Variants in ISYNA1 observed in about 807,000 individuals in gnomAD.
The protein encoded by ISYNA1 is MI-1-P synthase.
ISYNA1 carries 34 observed loss-of-function variants against 50.3 expected under a neutral mutation model. The observed-to-expected ratio is 0.68, with a 90% confidence interval of 0.51 to 0.90. The LOEUF is 0.90. ISYNA1 is among the 40% of genes least tolerant of loss of function. The pLI is 0.00. For missense variants in ISYNA1, 718 were observed against 784.8 expected (o/e 0.91, Z 1.02); for synonymous variants, 396 against 349.9 (o/e 1.13, Z -1.47).
In ISYNA1 at chr19:18,435,126, G is replaced by A. The variant is rs1364709181; in HGVS notation, c.1473-9C>T. 3.1e-6 allele frequency: 5 copies of A among 1,612,994 alleles called. No homozygotes were observed. Among genetic ancestry groups the A allele is most frequent in the Admixed American group, 1.7e-5 (1 of 60,018 alleles). On this transcript the variant is annotated splice_polypyrimidine_tract_variant and intron_variant, in intron 10 of 10. Transcript: ENST00000338128. ...GGAGCCCCACGCAGGCCCTGGAGAG[G>A]TCACACAGCTTAGCAGAGCCAGACA...
intron 9 of ISYNA1, 26 bp from the exon 10 acceptor site, chr19:18,435,509 G>A (rs1448564629): frequency 6.2e-7 from 1 of 1,606,526 alleles, no homozygotes. Flanking sequence ...GTCAGGAGAT[G>A]GGGGCGGTGG....
rs1427992490 is a variant in ISYNA1, at chr19:18,435,111, G to A, written c.1479C>T (p.Cys493=). The A allele has an allele frequency of 4.3e-6, 7 of 1,613,104 alleles. No individual in the cohort carries two copies. The East Asian group carries it at 1.3e-4, about 31-fold the overall frequency. The change falls in exon 11 of 11, where the codon TGC becomes TGT. Residue 493 remains cysteine (C), a synonymous_variant. Transcript: ENST00000338128. The stretch of plus-strand genomic sequence containing the variant: ...TGTGGTTCTGTGGCGGGAGCCCCAC[G>A]CAGGCCCTGGAGAGGTCACACAGCT... The part of the protein sequence containing the change: ...RSCIENILRA[C]VGLPPQNHML...
Position 18,437,106 on chromosome 19 carries a change from C to T in ISYNA1, c.283-1G>A. 6.3e-7 allele frequency: 1 copy of T among 1,575,784 alleles called. No homozygotes were observed. Among genetic ancestry groups the T allele is most frequent in the Non-Finnish European group, 8.6e-7 (1 of 1,162,190 alleles). The stretch of plus-strand genomic sequence containing the variant: ...TCAGCGAGCCGTAGTAGTTGGCCTC[C>T]TGGGGGTCAGCAGACACGGCGAGGT... On this transcript the variant is annotated splice_acceptor_variant, in intron 3 of 10. Transcript: ENST00000338128. LOFTEE classifies it high-confidence loss of function.
In ISYNA1 at chr19:18,434,806, A is replaced by T; in HGVS notation, c.*107T>A. On this transcript the variant is annotated 3_prime_UTR_variant, in exon 11 of 11. Transcript: ENST00000338128. ...TCAGGTCACAGGCCCCAAGAACCCCAGGTGGAAGGAGGGCTGAGTGGCAGC... is the reference window on the plus strand; with the variant it reads ...TCAGGTCACAGGCCCCAAGAACCCCTGGTGGAAGGAGGGCTGAGTGGCAGC... 1.1e-6 allele frequency: 1 copy of T among 937,198 alleles called. No individual in the cohort carries two copies. Among genetic ancestry groups the T allele is most frequent in the Non-Finnish European group, 1.7e-6 (1 of 595,982 alleles). The allele number at this position is 937,198 out of a possible 1,614,324, so 58.1% of individuals were successfully genotyped here. A position where few individuals can be genotyped will look rare whatever the true frequency, so the allele number is the denominator to read the frequency against.
chr19:18,437,044 T>C lies in ISYNA1; in HGVS notation c.344A>G (p.Glu115Gly), dbSNP rs1600398731. 1 of 1,603,330 alleles carries C rather than the reference T, an allele frequency of 6.2e-7. No homozygotes were observed. Among genetic ancestry groups the C allele is most frequent in the Non-Finnish European group, 8.5e-7 (1 of 1,177,376 alleles). ...AGTVSLGLDAEGQEVFVPFSA... is the reference protein window; with the variant it reads ...AGTVSLGLDAGGQEVFVPFSA... The stretch of plus-strand genomic sequence containing the variant: ...GAAGGGTACGAACACCTCCTGGCCC[T>C]CGGCGTCCAGGCCCAGGCTCACGGT... Residue 115 changes from glutamate to glycine, a missense_variant, in exon 4 of 11, where the codon GAG (glutamate) becomes GGG (glycine). Glu to Gly is a moderately conservative substitution (Grantham distance 98). This residue lies in a region of ISYNA1 where 403 missense variants were observed against 466.6 expected (regional missense o/e 0.86). Coordinates refer to ENST00000338128, the MANE Select transcript of ISYNA1 (RefSeq NM_016368.5).
At position 18,435,497 on chromosome 19, in the gene ISYNA1, G is replaced by T; in HGVS notation, c.1255-14C>A. ...CAGCAGCGAGTCCTGCGGGGCGGGT[G>T]GGTCAGGAGATGGGGGCGGTGGCCA... On this transcript the variant is annotated splice_polypyrimidine_tract_variant and intron_variant, in intron 9 of 10. Transcript: ENST00000338128. The T allele has an allele frequency of 6.2e-7, 1 of 1,608,230 alleles. No individual in the cohort carries two copies.
chr19:18,435,810 T>G lies in ISYNA1; in HGVS notation c.1087A>C (p.Met363Leu), dbSNP rs780322638. ...TAGAGCACTGGGTTGCTCTGCACCA[T>G]GTCGTCCACCACGTTGCTCTTGGAC... ...EVSKSNVVDD[M>L]VQSNPVLYTP... is the part of the protein sequence containing the mutation. Residue 363 changes from methionine (M) to leucine (L), a missense_variant, in exon 8 of 11, where the codon ATG (methionine) becomes CTG (leucine). Physicochemically the swap from Met to Leu is conservative, Grantham distance 15. Around this residue, in one of 3 missense-constraint regions of ISYNA1, gnomAD observed 305 missense variants for 292.6 expected, o/e 1.04. Transcript: ENST00000338128. 1 of 1,613,846 alleles carries G rather than the reference T, an allele frequency of 6.2e-7. No individual in the cohort carries two copies. Among genetic ancestry groups the G allele is most frequent in the Non-Finnish European group, 8.5e-7 (1 of 1,179,946 alleles).
rs200221382 is a variant in ISYNA1 at position 18,435,009 on chromosome 19, C to T, written c.1581G>A (p.Met527Ile). 8 of 1,613,540 alleles carry T rather than the reference C, an allele frequency of 5.0e-6. No individual in the cohort carries two copies. The African/African-American group carries it at 6.7e-5, about 13-fold the overall frequency. ...RVGPVAATYP[M>I]LNKKGPVPAA... is the part of the protein sequence containing the mutation. ...CGGGTACCGGTCCTTTCTTGTTCAA[C>T]ATAGGGTAGGTGGCAGCCACGGGTC... is the stretch of plus-strand genomic sequence containing the variant. Residue 527 changes from methionine to isoleucine, a missense_variant, in exon 11 of 11, where the codon ATG becomes ATA. Met to Ile is a conservative substitution (Grantham distance 10). This residue lies in a region of ISYNA1 where 305 missense variants were observed against 292.6 expected (regional missense o/e 1.04). Coordinates refer to ENST00000338128, the MANE Select transcript of ISYNA1 (RefSeq NM_016368.5).
At position 18,436,438 on chromosome 19, in the gene ISYNA1, G is replaced by A. The variant is rs1364256420; in HGVS notation, c.651C>T (p.Ser217=). The A allele has an allele frequency of 1.4e-5, 22 of 1,609,182 alleles. No individual in the cohort carries two copies. In the East Asian group the frequency reaches 3.1e-4, roughly 23 times the overall value. The change falls in exon 6 of 11, where the codon AGC becomes AGT. Residue 217 remains serine (S), a synonymous_variant. Coordinates refer to ENST00000338128, the MANE Select transcript of ISYNA1 (RefSeq NM_016368.5). ...GCACTATGACTTTGTCCAGCCCCGC[G>A]CTAGACCGGAAGTCTCGGATGTCCC... ...IRRDIRDFRS[S]AGLDKVIVLW...
chr19:18,436,884 G>A lies in ISYNA1; in HGVS notation c.416-7C>T. ...AGCGACGAGATGTCCCAGCCTGGGG[G>A]GACCCTCACACTCGGCCCTGCCCGG... is the stretch of plus-strand genomic sequence containing the variant. On this transcript the variant is annotated splice_region_variant and splice_polypyrimidine_tract_variant and intron_variant, in intron 4 of 10. Transcript: ENST00000338128. 1 of 1,596,920 alleles carries A rather than the reference G, an allele frequency of 6.3e-7. No homozygotes were observed. Among genetic ancestry groups the A allele is most frequent in the South Asian group, 1.1e-5 (1 of 89,642 alleles).
intron 3 of ISYNA1, chr19:18,437,359 C>G: frequency 8.1e-6 from 11 of 1,354,316 alleles, no homozygotes; most frequent in Admixed American, 6.2e-5. Flanking sequence ...CCGCCTGCAG[C>G]CAGGCCCCGC....
Position 18,434,427 on chromosome 19 carries a change from A to G in ISYNA1, c.*486T>C. On this transcript the variant is annotated 3_prime_UTR_variant, in exon 11 of 11. Transcript: ENST00000338128. ...TATTAAAAACGCAAGGACCTCAGAG[A>G]CGTTCTTTTCTGTATGGACCCTTCC... The G allele has an allele frequency of 8.3e-7, 1 of 1,201,846 alleles. No homozygotes were observed. Among genetic ancestry groups the G allele is most frequent in the Non-Finnish European group, 1.1e-6 (1 of 907,012 alleles). The allele number at this position is 1,201,846 out of a possible 1,614,324, so 74.4% of individuals were successfully genotyped here.
rs755810591 is a variant in ISYNA1 at position 18,436,402 on chromosome 19, C to T, written c.687G>A (p.Ala229=). ...GLDKVIVLWT[A]NTERFCEVIP... ...TCACCTCACAGAAGCGCTCCGTGTT[C>T]GCCGTCCACAGCACTATGACTTTGT... is the stretch of plus-strand genomic sequence containing the variant. Residue 229 remains alanine, a synonymous_variant, in exon 6 of 11, where the codon GCG becomes GCA. Coordinates refer to ENST00000338128, the MANE Select transcript of ISYNA1 (RefSeq NM_016368.5). 36 of 1,611,604 alleles carry T rather than the reference C, an allele frequency of 2.2e-5. No homozygotes were observed. In the South Asian group the frequency reaches 3.5e-4, roughly 16 times the overall value.
chr19:18,437,967 CG>C lies in ISYNA1; in HGVS notation c.12del (p.Ala5ProfsTer98). 6.3e-7 allele frequency: 1 copy of C among 1,585,112 alleles called. No homozygotes were observed. Among genetic ancestry groups the C allele is most frequent in the Non-Finnish European group, 8.6e-7 (1 of 1,167,414 alleles). ...TCCGGGCTCTCGACGAAGAACTGGG[CG>C]GCGGCCTCCATCGCGGCGGGCTGGG... MEA[A>X]AQFFVESPDV... On this transcript the variant is annotated frameshift_variant, in exon 2 of 11. Transcript: ENST00000338128. LOFTEE classifies it high-confidence loss of function.
intron 3 of ISYNA1, 121 bp from the exon 4 acceptor site, chr19:18,437,226 C>T: frequency 3.5e-6 from 5 of 1,449,232 alleles, no homozygotes; most frequent in Non-Finnish European, 4.5e-6. Flanking sequence ...CAGTTCCAGG[C>T]TCACAGCCAG....
In ISYNA1 at chr19:18,437,818, C is replaced by T. The variant is rs755622291; in HGVS notation, c.120+42G>A. On this transcript the variant is annotated intron_variant, in intron 2 of 10. Coordinates refer to ENST00000338128, the MANE Select transcript of ISYNA1 (RefSeq NM_016368.5). ...CCGTGCCCTTCTCCCCGAGCCGCCC[C>T]GCTCTCCCCAGCACGCCTCCTTCCT... The T allele has an allele frequency of 3.7e-6, 6 of 1,608,424 alleles. No homozygotes were observed. The Admixed American group carries it at 1.0e-4, about 27-fold the overall frequency.
At chr19:18,436,939 A>AAACCCCCCCCC in intron 4 of ISYNA1, 34 bp downstream of exon 4, 4 of 1,295,932 alleles carry the variant, frequency 3.1e-6, no homozygotes, top group South Asian at 1.2e-5. Context: ...CCCATCTCCC[A>AAACCCCCCCCC]TCCCGCCCCA....
rs770052406 is a variant in ISYNA1 at position 18,437,948 on chromosome 19, C to G, written c.32G>C (p.Ser11Thr). 1.6e-4 allele frequency: 253 copies of G among 1,602,938 alleles called. No individual in the cohort carries two copies. Among genetic ancestry groups the G allele is most frequent in the Non-Finnish European group, 1.9e-4 (223 of 1,176,102 alleles). The change falls in exon 2 of 11, where the codon AGC (serine) becomes ACC (threonine). Residue 11 changes from serine (S) to threonine (T), a missense_variant. Ser to Thr is a moderately conservative substitution (Grantham distance 58). Transcript: ENST00000338128. MEAAAQFFVE[S>T]PDVVYGPEAI... ...CTCGGGGCCGTAGACCACGTCCGGG[C>G]TCTCGACGAAGAACTGGGCGGCGGC...
At chr19:18,437,787 C>G (rs775455914) in intron 2 of ISYNA1, 27 bp from the exon 3 acceptor site, 1 of 1,597,746 alleles carries the variant, frequency 6.3e-7, no homozygotes, top group Non-Finnish European at 8.5e-7. Flanking sequence ...CAGTGAATCC[C>G]GGGTCCCGTG....
Sources: gnomAD v4.1 joint callset for allele counts on GRCh38, gnomAD v4.1.1 for gene constraint, gnomAD v4.1.1 regional missense constraint, MANE v1.5 for transcripts, NCBI Gene and HGNC (gene_info 2026-07-23, HGNC 2026-07-21) for gene names.